GPC6: variants seen among roughly 807,000 people sequenced by gnomAD.
The protein encoded by GPC6 is glypican-6.
Under a neutral mutation model 55.2 loss-of-function variants are expected in GPC6, and 14 were observed. That is an observed-to-expected ratio of 0.25 (90% confidence interval 0.17 to 0.40). The LOEUF (loss-of-function observed/expected upper bound fraction) is 0.40, where lower values mean the gene tolerates loss of function less well. Ranked by LOEUF, GPC6 falls within the 10% of genes least tolerant of loss-of-function variation. The pLI, the probability that GPC6 is intolerant of heterozygous loss-of-function variation, is 1.00. For missense variants in GPC6, 641 were observed against 708.5 expected, an observed-to-expected ratio of 0.90 and a Z score of 1.08; for synonymous variants, 278 against 259.6, an observed-to-expected ratio of 1.07 and a Z score of -0.68.
At chr13:94,134,970 G>A (rs1887130908) in intron 4 of GPC6, among the ~76,000 whole-genome samples, 2 of 152,120 alleles carry the variant, frequency 1.3e-5, no homozygotes, top group Non-Finnish European at 2.9e-5. Flanking sequence ...TCTTCTCCTT[G>A]TCACCCACTC....
At chr13:93,545,524 C>T (rs1874742096) in intron 2 of GPC6, 103 bp downstream of exon 2, 2 of 949,242 alleles carry the variant, frequency 2.1e-6, no homozygotes, top group Non-Finnish European at 3.5e-6. Flanking sequence ...GCTTTTCTAT[C>T]CCTCTTAAAT....
intron 3 of GPC6, among the ~76,000 whole-genome samples, chr13:94,003,703 C>T (rs1219728521): frequency 1.3e-5 from 2 of 152,170 alleles, no homozygotes; most frequent in Non-Finnish European, 2.9e-5. Context: ...GCACAGTCCA[C>T]TTTACTATTG....
At chr13:93,711,444 G>C (rs1186045157) in intron 2 of GPC6, among the ~76,000 whole-genome samples, 1 of 151,774 alleles carries the variant, frequency 6.6e-6, no homozygotes. Context: ...CAGGACACGT[G>C]GGAATGATGG....
At chr13:93,266,656 A>G (rs964563018) in intron 1 of GPC6, among the ~76,000 whole-genome samples, 5 of 152,220 alleles carry the variant, frequency 3.3e-5, no homozygotes, top group Non-Finnish European at 7.4e-5. Context: ...ATATGCATAT[A>G]CAGTTTGTAT....
intron 3 of GPC6, among the ~76,000 whole-genome samples, chr13:93,997,672 T>G (rs1416368115): frequency 6.6e-6 from 1 of 151,952 alleles, no homozygotes; most frequent in Admixed American, 6.6e-5. Flanking sequence ...TAAAGGAAGA[T>G]GGAGGCAGTA....
intron 6 of GPC6, among the ~76,000 whole-genome samples, chr13:94,349,342 C>T (rs1336775251): frequency 6.6e-6 from 1 of 152,182 alleles, no homozygotes; most frequent in African/African-American, 2.4e-5. Flanking sequence ...AGTGATGGCA[C>T]TTGTCTCCCT....
chr13:93,607,722 C>A (rs147297659), intron 2 of GPC6, among the ~76,000 whole-genome samples: 1 of 152,300 alleles, frequency 6.6e-6, no homozygotes, highest in African/African-American at 2.4e-5. Flanking sequence ...GAATAGCGTT[C>A]AATTTTCACA....
At chr13:93,910,340 A>G (rs1049408673) in intron 3 of GPC6, among the ~76,000 whole-genome samples, 7 of 152,072 alleles carry the variant, frequency 4.6e-5, no homozygotes, top group Non-Finnish European at 1.5e-5. Flanking sequence ...ATCTTCCACC[A>G]TGATTGTGAG....
chr13:94,187,641 G>A (rs1056049301), intron 4 of GPC6, among the ~76,000 whole-genome samples: 2 of 151,996 alleles, frequency 1.3e-5, no homozygotes, highest in Non-Finnish European at 2.9e-5. Context: ...GTCCACTATC[G>A]GGCAAACATT....
At chr13:93,292,184 G>C (rs1878340246) in intron 1 of GPC6, among the ~76,000 whole-genome samples, 1 of 152,162 alleles carries the variant, frequency 6.6e-6, no homozygotes, top group African/African-American at 2.4e-5. Context: ...CAAAGTTTGT[G>C]TGTTTGTTTA....
intron 4 of GPC6, among the ~76,000 whole-genome samples, chr13:94,054,351 A>G (rs561956727): frequency 3.9e-5 from 6 of 152,214 alleles, no homozygotes; most frequent in African/African-American, 7.2e-5. Flanking sequence ...GAACCTGAAC[A>G]GTGGTAAATT....
intron 2 of GPC6, among the ~76,000 whole-genome samples, chr13:93,772,971 A>G (rs1430930952): frequency 6.6e-6 from 1 of 152,108 alleles, no homozygotes; most frequent in African/African-American, 2.4e-5. Flanking sequence ...CTTTCTACTC[A>G]AAGGTCTTGT....
chr13:94,104,756 C>A (rs978046264), intron 4 of GPC6, among the ~76,000 whole-genome samples: 3 of 152,122 alleles, frequency 2.0e-5, no homozygotes, highest in Admixed American at 6.6e-5. Flanking sequence ...ATCCAGCTTA[C>A]AAGGGATGTG....
intron 1 of GPC6, among the ~76,000 whole-genome samples, chr13:93,255,773 G>A (rs1328930502): frequency 6.6e-6 from 1 of 152,026 alleles, no homozygotes; most frequent in Non-Finnish European, 1.5e-5. Flanking sequence ...TTTGAGGCTG[G>A]GGAGTATATT....
intron 1 of GPC6, among the ~76,000 whole-genome samples, chr13:93,389,395 T>G (rs542831889): frequency 6.6e-6 from 1 of 151,686 alleles, no homozygotes; most frequent in Admixed American, 6.6e-5. Context: ...TCCTAGCTAC[T>G]TGGGAGGCTG....
At chr13:93,751,113 G>C (rs1332628321) in intron 2 of GPC6, among the ~76,000 whole-genome samples, 1 of 152,098 alleles carries the variant, frequency 6.6e-6, no homozygotes, top group Non-Finnish European at 1.5e-5. Context: ...TGCAAGAATA[G>C]AGTGCTGTTT....
intron 2 of GPC6, among the ~76,000 whole-genome samples, chr13:93,821,075 T>G (rs1056065540): frequency 6.6e-6 from 1 of 152,354 alleles, no homozygotes; most frequent in South Asian, 2.1e-4. Context: ...AATGTCTCAC[T>G]TAAGATTTTG....
chr13:94,341,200 A>G (rs556257628), intron 6 of GPC6, among the ~76,000 whole-genome samples: 1 of 152,192 alleles, frequency 6.6e-6, no homozygotes, highest in Admixed American at 6.5e-5. Flanking sequence ...AAAAAATCCT[A>G]TTTGAAATCT....
chr13:93,544,176 GA>G (rs1393509490), intron 1 of GPC6, among the ~76,000 whole-genome samples: 6 of 151,700 alleles, frequency 4.0e-5, no homozygotes, highest in African/African-American at 1.5e-4. Flanking sequence ...AACAGCAAAA[GA>G]CCTAACGTTA....
Sources: allele counts gnomAD v4.1 joint callset (sites outside exome capture counted in the v4.1 genomes callset), GRCh38; gene constraint gnomAD v4.1.1; transcripts MANE v1.5; gene names NCBI Gene and HGNC (gene_info 2026-07-23, HGNC 2026-07-21).